The following BCAS3 variants were observed in gnomAD, a reference collection of about 807,000 sequenced individuals.
The protein encoded by BCAS3 is BCAS4/BCAS3 fusion.
In BCAS3, 53 loss-of-function variants were observed where a neutral mutation model predicts 116.1. The ratio of observed to expected loss-of-function variants is 0.46; its 90% CI spans 0.37 to 0.57. The LOEUF is 0.57. BCAS3 is among the 20% of genes least tolerant of loss of function. The pLI is 0.00. For synonymous variants in BCAS3, 391 were observed against 408.2 expected (o/e 0.96, Z 0.51); for missense variants, 917 against 1,165.4 (o/e 0.79, Z 3.10).
At chr17:61,308,551 G>A (rs2054039623) in intron 22 of BCAS3, among the ~76,000 whole-genome samples, 1 of 152,028 alleles carries the variant, frequency 6.6e-6, no homozygotes, top group Admixed American at 6.5e-5. Context: ...GCTCTTCTCG[G>A]TGAGTAAGAC....
Position 61,114,841 on chromosome 17 carries a change from A to G in BCAS3, c.2425+30277A>G, listed in dbSNP as rs1460753296. ...ATCACACTACCTGACTTCAAACTAT[A>G]CTACAAGGCTACAGTAACCAAAACA... On this transcript the variant is annotated intron_variant, in intron 22 of 23. Transcript: ENST00000407086. Among the ~76,000 whole-genome samples the G allele has an allele frequency of 1.3e-5, 2 of 150,880 alleles. 1 individual carries two copies. Among genetic ancestry groups the G allele is most frequent in the South Asian group, 4.2e-4 (2 of 4,772 alleles).
intron 19 of BCAS3, among the ~76,000 whole-genome samples, chr17:61,067,734 A>ATAT (rs1568273619): frequency 9.3e-5 from 13 of 139,368 alleles, no homozygotes; most frequent in African/African-American, 4.0e-4. Context: ...AACAAAAAAA[A>ATAT]AAAAAAATAT....
At chr17:60,880,951 CTTTT>C (rs774853500) in intron 9 of BCAS3, among the ~76,000 whole-genome samples, 1 of 130,388 alleles carries the variant, frequency 7.7e-6, no homozygotes, top group South Asian at 2.1e-4. Context: ...TCACTTTCTT[CTTTT>C]TTTTGTTTTG....
chr17:60,723,007 C>T (rs1273464829), intron 5 of BCAS3, among the ~76,000 whole-genome samples: 4 of 151,640 alleles, frequency 2.6e-5, no homozygotes, highest in African/African-American at 9.7e-5. Flanking sequence ...CGTTACTGCC[C>T]TCCAGCCTGG....
At chr17:61,176,255 T>C (rs903987163) in intron 22 of BCAS3, among the ~76,000 whole-genome samples, 2 of 149,240 alleles carry the variant, frequency 1.3e-5, no homozygotes, top group African/African-American at 4.9e-5. Context: ...AAGATGTATA[T>C]GGTTATTTAA....
At chr17:60,687,308 A>T (rs1020146652) in intron 3 of BCAS3, among the ~76,000 whole-genome samples, 2 of 152,178 alleles carry the variant, frequency 1.3e-5, no homozygotes, top group African/African-American at 4.8e-5. Context: ...GACCTCTATA[A>T]AGACATCAGG....
chr17:60,939,365 G>A (rs2060108981), intron 13 of BCAS3, among the ~76,000 whole-genome samples: 1 of 152,282 alleles, frequency 6.6e-6, no homozygotes, highest in East Asian at 1.9e-4. Flanking sequence ...CCTGGAGACA[G>A]AGGTTGCAGT....
At position 61,151,375 on chromosome 17, in the gene BCAS3, C is replaced by CTCCTG. The variant is rs2077531224; in HGVS notation, c.2425+66811_2425+66812insTCCTG. On this transcript the variant is annotated intron_variant, in intron 22 of 23. Coordinates refer to ENST00000407086, the MANE Select transcript of BCAS3 (RefSeq NM_017679.5). This position sits in a 1 kb window ranked among gnomAD's most constrained non-coding sequence, Gnocchi z 4.8. The stretch of plus-strand genomic sequence containing the variant: ...TAATCAACCTATACCACTACCTCCT[C>CTCCTG]CTCCTGTTTTTTCCTACTTTTTTTT... Among the ~76,000 whole-genome samples, 3 of 151,274 alleles carry CTCCTG rather than the reference C, an allele frequency of 2.0e-5. No homozygotes were observed. Among genetic ancestry groups the CTCCTG allele is most frequent in the Non-Finnish European group, 4.4e-5 (3 of 67,980 alleles).
At chr17:60,817,489 T>G (rs547294046) in intron 7 of BCAS3, among the ~76,000 whole-genome samples, 2 of 152,336 alleles carry the variant, frequency 1.3e-5, no homozygotes, top group East Asian at 3.9e-4. Context: ...TTACACACAT[T>G]ACGTGAAAAT....
At chr17:60,864,702 G>A (rs2054445385) in intron 7 of BCAS3, among the ~76,000 whole-genome samples, 3 of 152,184 alleles carry the variant, frequency 2.0e-5, no homozygotes, top group Admixed American at 6.5e-5. Flanking sequence ...TTGGTGATGT[G>A]GTGTAAGAGG....
intron 22 of BCAS3, among the ~76,000 whole-genome samples, chr17:61,290,463 A>C (rs923472841): frequency 1.3e-5 from 2 of 152,230 alleles, no homozygotes; most frequent in Non-Finnish European, 2.9e-5. Context: ...TAATAGAAAA[A>C]CAAATCAGTT....
intron 22 of BCAS3, among the ~76,000 whole-genome samples, chr17:61,169,757 A>G (rs1372164676): frequency 6.6e-6 from 1 of 152,248 alleles, no homozygotes; most frequent in African/African-American, 2.4e-5. Flanking sequence ...TTAAGCCAAG[A>G]ATATCTGTGG....
At chr17:60,777,077 TA>T (rs760663838) in intron 6 of BCAS3, among the ~76,000 whole-genome samples, 73 of 151,876 alleles carry the variant, frequency 4.8e-4, no homozygotes, top group Non-Finnish European at 8.1e-4. Context: ...TGTGCGTGTG[TA>T]TATATGTGTA....
At chr17:60,845,052 A>G (rs999004173) in intron 7 of BCAS3, among the ~76,000 whole-genome samples, 31 of 152,276 alleles carry the variant, frequency 2.0e-4, no homozygotes, top group African/African-American at 7.5e-4. Flanking sequence ...CAACATGTTG[A>G]AACCCCTTCT....
chr17:61,343,294 C>T lies in BCAS3; in HGVS notation c.2426-25033C>T, dbSNP rs964942049. 2.6e-5 allele frequency among the ~76,000 whole-genome samples: 4 copies of T among 152,150 alleles called. No homozygotes were observed. Among genetic ancestry groups the T allele is most frequent in the East Asian group, 1.9e-4 (1 of 5,202 alleles). ...CAGAACAAGCCCTTCAATTGTGCAC[C>T]GTTGTGTATGGTGCCAGAGTAGCTT... On this transcript the variant is annotated intron_variant, in intron 22 of 23. Transcript: ENST00000407086. The surrounding 1 kb of genome is among the most constrained non-coding windows in gnomAD (Gnocchi z 5.5).
At chr17:61,036,632 G>A (rs1376755563) in intron 17 of BCAS3, among the ~76,000 whole-genome samples, 3 of 151,880 alleles carry the variant, frequency 2.0e-5, no homozygotes, top group Non-Finnish European at 2.9e-5. Context: ...TAATTGATTC[G>A]CCTGACACAG....
At chr17:60,703,767 A>C (rs922748985) in intron 4 of BCAS3, among the ~76,000 whole-genome samples, 1 of 151,198 alleles carries the variant, frequency 6.6e-6, no homozygotes, top group African/African-American at 2.4e-5. Context: ...ACAAAAAATT[A>C]GCCGGGCGCG....
chr17:61,243,599 A>T lies in BCAS3; in HGVS notation c.2426-124728A>T, dbSNP rs2047697714. Among the ~76,000 whole-genome samples, 1 of 152,164 alleles carries T rather than the reference A, an allele frequency of 6.6e-6. No individual in the cohort carries two copies. On this transcript the variant is annotated intron_variant, in intron 22 of 23. Transcript: ENST00000407086. This position sits in a 1 kb window ranked among gnomAD's most constrained non-coding sequence, Gnocchi z 5.6. ...GAAAATATAAAGACAGTATAAGAAG[A>T]CTTAGAATTGAGTACAGTTTGATTG...
At chr17:61,053,114 T>C (rs1367491693) in intron 19 of BCAS3, among the ~76,000 whole-genome samples, 1 of 152,192 alleles carries the variant, frequency 6.6e-6, no homozygotes, top group Non-Finnish European at 1.5e-5. Context: ...ACTTACATTT[T>C]GTTTGGCATT....
Sources: gnomAD v4.1 joint callset for allele counts (sites outside exome capture counted in the v4.1 genomes callset) on GRCh38, gnomAD v4.1.1 for gene constraint, Gnocchi (gnomAD v3.1) non-coding constraint, MANE v1.5 for transcripts, NCBI Gene and HGNC (gene_info 2026-07-23, HGNC 2026-07-21) for gene names.